The following HECW2 variants were observed in gnomAD, a reference collection of about 807,000 sequenced individuals.
HECW2 encodes the protein HECT, C2 and WW domain containing E3 ubiquitin protein ligase 2.
In HECW2, 61 loss-of-function variants were observed where a neutral mutation model predicts 175.2. The observed-to-expected ratio is 0.35, with a 90% CI of 0.28 to 0.43. The LOEUF is 0.43. Among genes scored for constraint, HECW2 ranks in the 20% least tolerant of loss-of-function variants. HECW2 has a pLI of 1.00. For synonymous variants in HECW2, 671 were observed against 731.0 expected, an observed-to-expected ratio of 0.92 and a Z score of 1.32; for missense variants, 1,524 against 2,000.5, an observed-to-expected ratio of 0.76 and a Z score of 4.54.
At chr2:196,593,178 A>T (rs926666130) in intron 1 of HECW2, among the ~76,000 whole-genome samples, 3 of 148,168 alleles carry the variant, frequency 2.0e-5, no homozygotes, top group Non-Finnish European at 3.0e-5. Context: ...GCCGCCACCC[A>T]CCCCCGGGTT....
At chr2:196,337,266 C>T (rs1692581729) in intron 3 of HECW2, among the ~76,000 whole-genome samples, 1 of 151,166 alleles carries the variant, frequency 6.6e-6, no homozygotes, top group South Asian at 2.1e-4. Flanking sequence ...CCCAGGGGCA[C>T]AGGCTTCTGT....
At chr2:196,485,356 A>C (rs1389103692) in intron 1 of HECW2, among the ~76,000 whole-genome samples, 1 of 152,234 alleles carries the variant, frequency 6.6e-6, no homozygotes, top group East Asian at 1.9e-4. Context: ...TTTTACTGCT[A>C]TAACAAAATA....
chr2:196,429,614 T>C lies in HECW2; in HGVS notation c.292+3518A>G, dbSNP rs550183775. On this transcript the variant is annotated intron_variant, in intron 2 of 28. Transcript: ENST00000644978. ...TAGAAGTAGAAGTGGTTTTCAGACA[T>C]TGGAAAACAGATGGTATTAGACTAT... Among the ~76,000 whole-genome samples, 20 of 152,288 alleles carry C rather than the reference T, an allele frequency of 1.3e-4. No homozygotes were observed. The South Asian group carries it at 3.1e-3, about 24-fold the overall frequency.
intron 2 of HECW2, among the ~76,000 whole-genome samples, chr2:196,421,971 C>A (rs138854658): frequency 1.3e-5 from 2 of 152,230 alleles, no homozygotes; most frequent in East Asian, 3.9e-4. Context: ...ATCTTCCACA[C>A]GCATATTAAA....
Position 196,265,256 on chromosome 2 carries a change from A to G in HECW2, c.3335+5937T>C, listed in dbSNP as rs1006310956. Among the ~76,000 whole-genome samples, 4 of 152,200 alleles carry G rather than the reference A, an allele frequency of 2.6e-5. 1 individual carries two copies. Among genetic ancestry groups the G allele is most frequent in the African/African-American group, 9.7e-5 (4 of 41,436 alleles). ...TCCCAACACTTTGGGAGGCCCAGGA[A>G]GGCAGATCACTTGAGGCCAGGAGTT... On this transcript the variant is annotated intron_variant, in intron 17 of 28. Transcript: ENST00000644978.
At chr2:196,535,648 G>C (rs186617166) in intron 1 of HECW2, among the ~76,000 whole-genome samples, 152 of 152,236 alleles carry the variant, frequency 1.0e-3, no homozygotes, top group Non-Finnish European at 1.9e-3. Flanking sequence ...GTACATAATA[G>C]TCCTGGATAT....
At chr2:196,581,161 G>T (rs544804633) in intron 1 of HECW2, among the ~76,000 whole-genome samples, 1 of 152,320 alleles carries the variant, frequency 6.6e-6, no homozygotes, top group African/African-American at 2.4e-5. Flanking sequence ...TAATGGGTAT[G>T]TAGTTTCTAT....
At chr2:196,221,291 C>T (rs553220530) in intron 24 of HECW2, among the ~76,000 whole-genome samples, 10 of 151,504 alleles carry the variant, frequency 6.6e-5, no homozygotes, top group Middle Eastern at 3.4e-3. Flanking sequence ...CTATATCTAG[C>T]GTAAAGATTT....
At chr2:196,412,399 T>C (rs1186681682) in intron 2 of HECW2, among the ~76,000 whole-genome samples, 1 of 152,244 alleles carries the variant, frequency 6.6e-6, no homozygotes, top group Admixed American at 6.5e-5. Context: ...GTAAAGACGC[T>C]GTCTCCAAAT....
At chr2:196,564,060 T>C (rs2125503392) in intron 1 of HECW2, among the ~76,000 whole-genome samples, 1 of 152,298 alleles carries the variant, frequency 6.6e-6, no homozygotes, top group South Asian at 2.1e-4. Context: ...AACAATCCCA[T>C]TCCACAATCA....
intron 9 of HECW2, among the ~76,000 whole-genome samples, chr2:196,318,258 C>T (rs1691777209): frequency 6.6e-6 from 1 of 152,202 alleles, no homozygotes; most frequent in Non-Finnish European, 1.5e-5. Flanking sequence ...CATCTGGATG[C>T]AAACCATGCT....
chr2:196,491,365 TATATAC>T (rs147304293), intron 1 of HECW2, among the ~76,000 whole-genome samples: 1,337 of 100,700 alleles, frequency 0.013, 12 homozygotes, highest in South Asian at 0.037. Context: ...AAATCATATA[TATATAC>T]ACACACACAC....
intron 2 of HECW2, among the ~76,000 whole-genome samples, chr2:196,402,763 A>G (rs1467783153): frequency 6.6e-6 from 1 of 152,086 alleles, no homozygotes; most frequent in Non-Finnish European, 1.5e-5. Flanking sequence ...TGTAAATCAA[A>G]TAAAGTAATC....
intron 28 of HECW2, among the ~76,000 whole-genome samples, chr2:196,206,787 G>C (rs1687083629): frequency 1.3e-5 from 2 of 152,136 alleles, no homozygotes; most frequent in African/African-American, 4.8e-5. Flanking sequence ...GCCAAATTGT[G>C]AGCCCTAGCT....
intron 2 of HECW2, among the ~76,000 whole-genome samples, chr2:196,384,128 T>C (rs938917602): frequency 6.6e-5 from 10 of 152,194 alleles, no homozygotes; most frequent in South Asian, 2.1e-4. Context: ...TGATTGAAGG[T>C]TGGATTGTTT....
At chr2:196,518,654 C>CAAA (rs747681637) in intron 1 of HECW2, among the ~76,000 whole-genome samples, 21 of 77,392 alleles carry the variant, frequency 2.7e-4, no homozygotes, top group African/African-American at 3.4e-4. Context: ...GATTCTGTCT[C>CAAA]AAAAAAAAAA....
chr2:196,212,881 T>C (rs1327104807), intron 28 of HECW2, among the ~76,000 whole-genome samples: 1 of 152,210 alleles, frequency 6.6e-6, no homozygotes, highest in Non-Finnish European at 1.5e-5. Context: ...CCATGTCACA[T>C]TTTAAATGTT....
intron 7 of HECW2, among the ~76,000 whole-genome samples, chr2:196,321,634 G>A (rs929897588): frequency 2.6e-5 from 4 of 151,888 alleles, no homozygotes; most frequent in African/African-American, 4.8e-5. Flanking sequence ...TCCTGACCTC[G>A]GGTGATCTGC....
rs1354557224 is a variant in HECW2 at position 196,292,654 on chromosome 2, G to A, written c.2911C>T (p.Arg971Cys). The A allele has an allele frequency of 1.2e-6, 2 of 1,614,170 alleles. No individual in the cohort carries two copies. The highest frequency in any genetic ancestry group is 1.1e-5 in the South Asian group (1 of 91,088). The change falls in exon 14 of 29, where the codon CGC becomes TGC. Residue 971 changes from arginine (R) to cysteine (C), a missense_variant. This residue lies in a region of HECW2 where 291 missense variants were observed against 412.2 expected (regional missense o/e 0.71). Coordinates refer to ENST00000644978, the MANE Select transcript of HECW2 (RefSeq NM_001348768.2). Reference protein sequence around the residue: ...THHFERYQHNRDLVGFLNMFA... With the variant: ...THHFERYQHNCDLVGFLNMFA... ...ATGTTGAGGAATCCCACAAGGTCGC[G>A]GTTATGCTGGTAGCGTTCAAAGTGG...
Sources: gnomAD v4.1 joint callset for allele counts (sites outside exome capture counted in the v4.1 genomes callset) on GRCh38, gnomAD v4.1.1 for gene constraint, gnomAD v4.1.1 regional missense constraint, MANE v1.5 for transcripts, NCBI Gene and HGNC (gene_info 2026-07-23, HGNC 2026-07-21) for gene names.